The following RBM6 variants were observed in gnomAD, a reference collection of about 807,000 sequenced individuals.
RBM6 encodes RNA-binding protein 6.
RBM6 carries 23 observed loss-of-function variants against 140.4 expected under a neutral mutation model. The observed-to-expected ratio is 0.16, with a 90% CI of 0.12 to 0.23. RBM6 has a LOEUF of 0.23. RBM6 is among the 10% of genes least tolerant of loss of function. The pLI is 1.00. For synonymous variants in RBM6, 439 were observed against 475.6 expected (o/e 0.92, Z 1.00); for missense variants, 1,139 against 1,386.7 (o/e 0.82, Z 2.84).
intron 5 of RBM6, among the ~76,000 whole-genome samples, chr3:49,993,081 C>G (rs1428304158): frequency 6.6e-6 from 1 of 152,166 alleles, no homozygotes; most frequent in African/African-American, 2.4e-5. Flanking sequence ...ACCGTTTGTA[C>G]TTGTCATGAC....
At chr3:49,961,286 T>G (rs1201720126) in intron 1 of RBM6, among the ~76,000 whole-genome samples, 1 of 151,902 alleles carries the variant, frequency 6.6e-6, no homozygotes, top group Non-Finnish European at 1.5e-5. Flanking sequence ...CCATGTTGCC[T>G]AGGCTGGTCT....
At chr3:50,060,880 T>C in intron 11 of RBM6, 76 bp from the exon 12 acceptor site, 1 of 1,419,894 alleles carries the variant, frequency 7.0e-7, no homozygotes, top group Non-Finnish European at 9.4e-7. Context: ...GATTTCTCGA[T>C]AGGAACTGTA....
intron 5 of RBM6, among the ~76,000 whole-genome samples, chr3:49,977,425 T>C (rs966155663): frequency 6.6e-6 from 1 of 152,242 alleles, no homozygotes; most frequent in Non-Finnish European, 1.5e-5. Context: ...CTATCACTGA[T>C]TGGATATTTC....
chr3:50,018,590 T>G (rs1037570787), intron 6 of RBM6, among the ~76,000 whole-genome samples: 38 of 130,122 alleles, frequency 2.9e-4, no homozygotes, highest in Middle Eastern at 3.6e-3. Context: ...TGTTTTTTTT[T>G]TTTTTTTTTT....
At chr3:50,062,397 A>C (rs955972859) in intron 15 of RBM6, among the ~76,000 whole-genome samples, 1 of 151,806 alleles carries the variant, frequency 6.6e-6, no homozygotes, top group African/African-American at 2.4e-5. Flanking sequence ...CCAGCTACTC[A>C]GGAGGCTGAG....
At chr3:50,073,478 G>T (rs185661204) in intron 19 of RBM6, among the ~76,000 whole-genome samples, 10 of 152,270 alleles carry the variant, frequency 6.6e-5, no homozygotes, top group African/African-American at 1.9e-4. Context: ...CCATTTGTGA[G>T]GGCAGAGCTC....
chr3:50,057,865 C>G lies in RBM6; in HGVS notation c.1831C>G (p.Gln611Glu). 6.2e-7 allele frequency: 1 copy of G among 1,613,936 alleles called. No homozygotes were observed. Among genetic ancestry groups the G allele is most frequent in the South Asian group, 1.1e-5 (1 of 91,078 alleles). The part of the protein sequence containing the change: ...EPEPRKREEG[Q>E]ESRLGHQKRE... ...TGAACCCAGGAAGAGGGAAGAAGGC[C>G]AAGAGTCACGCTTAGGACATCAAAA... The change falls in exon 9 of 21, where the codon CAA becomes GAA. Residue 611 changes from glutamine (Q) to glutamate (E), a missense_variant. Gln to Glu is a conservative substitution (Grantham distance 29). Around this residue, in one of 9 missense-constraint regions of RBM6, gnomAD observed 109 missense variants for 101.9 expected, o/e 1.07. Coordinates refer to ENST00000266022, the MANE Select transcript of RBM6 (RefSeq NM_005777.3).
rs530600635 is a variant in RBM6, at chr3:50,065,168, G to A, written c.2682+42G>A. On this transcript the variant is annotated intron_variant, in intron 16 of 20. Transcript: ENST00000266022. ...TCCCCTGGACCTAGGGCTGGGGCTG[G>A]GGATGGTTCCGAGTAGAAGAGGAAG... 6.6e-6 allele frequency: 10 copies of A among 1,506,722 alleles called. 1 individual carries two copies. In the African/African-American group the frequency reaches 9.8e-5, roughly 15 times the overall value. The allele number at this position is 1,506,722 out of a possible 1,614,324, so 93.3% of individuals were successfully genotyped here.
At chr3:50,061,113 T>C in intron 12 of RBM6, 27 bp from the exon 13 acceptor site, 1 of 1,614,088 alleles carries the variant, frequency 6.2e-7, no homozygotes, top group African/African-American at 1.3e-5. Context: ...GATAGTTCTG[T>C]AATTTTAACT....
chr3:50,013,769 G>A (rs2086975338), intron 6 of RBM6, among the ~76,000 whole-genome samples: 1 of 152,182 alleles, frequency 6.6e-6, no homozygotes, highest in African/African-American at 2.4e-5. Context: ...CAGCAACCAT[G>A]GCAAAGGGGA....
At chr3:50,001,838 G>C (rs950984233) in intron 6 of RBM6, among the ~76,000 whole-genome samples, 1 of 152,208 alleles carries the variant, frequency 6.6e-6, no homozygotes, top group Non-Finnish European at 1.5e-5. Context: ...AATACTCAAT[G>C]TAATAGCTGA....
intron 6 of RBM6, among the ~76,000 whole-genome samples, chr3:50,027,897 A>C (rs1231417332): frequency 1.3e-5 from 2 of 152,338 alleles, no homozygotes; most frequent in East Asian, 3.9e-4. Context: ...AGCTATCCCC[A>C]GATGCGTAGC....
At chr3:49,956,718 T>C (rs2084008512) in intron 1 of RBM6, among the ~76,000 whole-genome samples, 1 of 151,966 alleles carries the variant, frequency 6.6e-6, no homozygotes, top group East Asian at 1.9e-4. Flanking sequence ...CAGGCTGGAG[T>C]GCAATGGCAT....
intron 6 of RBM6, among the ~76,000 whole-genome samples, chr3:50,037,971 G>A (rs2088646408): frequency 6.6e-6 from 1 of 151,826 alleles, no homozygotes; most frequent in African/African-American, 2.4e-5. Context: ...ACAGGCGCCC[G>A]CCACCATGCC....
intron 1 of RBM6, among the ~76,000 whole-genome samples, chr3:49,946,198 G>C (rs932838119): frequency 6.6e-6 from 1 of 151,448 alleles, no homozygotes. Context: ...TTTCAATTCA[G>C]TTTCTCTGCA....
rs545785551 is a variant in RBM6, at chr3:50,074,592, T to A, written c.3117-609T>A. On this transcript the variant is annotated intron_variant, in intron 19 of 20. Coordinates refer to ENST00000266022, the MANE Select transcript of RBM6 (RefSeq NM_005777.3). The stretch of plus-strand genomic sequence containing the variant: ...CACCTCAGCCTCCCAAAGTGATTCC[T>A]TCTACTGTATTTCTATAGCAGACAT... 2.0e-5 allele frequency among the ~76,000 whole-genome samples: 3 copies of A among 152,320 alleles called. No homozygotes were observed. The East Asian group carries it at 5.8e-4, about 29-fold the overall frequency.
chr3:49,959,188 CTTTT>C (rs35892482), intron 1 of RBM6, among the ~76,000 whole-genome samples: 1 of 124,942 alleles, frequency 8.0e-6, no homozygotes, highest in African/African-American at 3.1e-5. Context: ...GATTTTTTTC[CTTTT>C]TTTTTTTTTT....
At chr3:50,051,653 A>T (rs2089473050) in intron 7 of RBM6, among the ~76,000 whole-genome samples, 2 of 152,248 alleles carry the variant, frequency 1.3e-5, no homozygotes, top group African/African-American at 4.8e-5. Flanking sequence ...AAAACAAAAA[A>T]GAAAAATTTT....
chr3:50,058,069 T>G (rs1291582379), intron 9 of RBM6, 66 bp downstream of exon 9: 1 of 1,544,230 alleles, frequency 6.5e-7, no homozygotes, highest in Non-Finnish European at 8.8e-7. Context: ...TGGCCAATGT[T>G]ATGTCCGGGA....
Sources: gnomAD v4.1 joint callset for allele counts (sites outside exome capture counted in the v4.1 genomes callset) on GRCh38, gnomAD v4.1.1 for gene constraint, gnomAD v4.1.1 regional missense constraint, MANE v1.5 for transcripts, NCBI Gene and HGNC (gene_info 2026-07-23, HGNC 2026-07-21) for gene names.